LAMB1: variants seen among roughly 807,000 people sequenced by gnomAD.
LAMB1 encodes laminin subunit beta-1.
Under a neutral mutation model 222.3 loss-of-function variants are expected in LAMB1, and 121 were observed. The ratio of observed to expected loss-of-function variants is 0.54; its 90% CI spans 0.47 to 0.63. LAMB1 has a LOEUF of 0.63. Among genes scored for constraint, LAMB1 ranks in the 30% least tolerant of loss-of-function variants. The pLI is 0.00. For missense variants in LAMB1, 2,172 were observed against 2,240.8 expected (o/e 0.97, Z 0.62); for synonymous variants, 794 against 807.2 (o/e 0.98, Z 0.28).
intron 31 of LAMB1, among the ~76,000 whole-genome samples, chr7:107,927,435 T>C (rs1263150538): frequency 6.6e-6 from 1 of 152,168 alleles, no homozygotes; most frequent in Non-Finnish European, 1.5e-5. Context: ...CTAATTTGCT[T>C]TTCAGAACAA....
intron 2 of LAMB1, chr7:108,002,115 A>C: frequency 6.8e-7 from 1 of 1,468,362 alleles, no homozygotes. Flanking sequence ...TGACCCCCAA[A>C]GGGCCACACA....
At chr7:107,939,484 C>T (rs1450141882) in intron 25 of LAMB1, among the ~76,000 whole-genome samples, 2 of 152,076 alleles carry the variant, frequency 1.3e-5, no homozygotes, top group African/African-American at 4.8e-5. Context: ...TGGAATTTCC[C>T]CCATAGTAGC....
chr7:107,961,636 C>G lies in LAMB1; in HGVS notation c.1898G>C (p.Arg633Pro), dbSNP rs769757442. The stretch of plus-strand genomic sequence containing the variant: ...GCTGCTGGTTGGAATCCTTCCAGGT[C>G]GCTGCACTGTGATGACAGCTTTTTC... The part of the protein sequence containing the change: ...HWEKAVITVQ[R>P]PGRIPTSSRC... Residue 633 changes from arginine to proline, a missense_variant, in exon 16 of 34, where the codon CGA (arginine) becomes CCA (proline). Arg to Pro is a moderately radical substitution (Grantham distance 103). Transcript: ENST00000222399. 2.7e-5 allele frequency: 44 copies of G among 1,613,928 alleles called. No homozygotes were observed. In the Admixed American group the frequency reaches 7.3e-4, roughly 27 times the overall value.
intron 13 of LAMB1, among the ~76,000 whole-genome samples, chr7:107,965,493 C>T (rs2033614847): frequency 1.3e-5 from 2 of 152,258 alleles, no homozygotes; most frequent in Admixed American, 6.5e-5. Flanking sequence ...GCACGAGAAT[C>T]GCTTGAACCC....
chr7:107,940,692 A>C, intron 24 of LAMB1: 1 of 267,204 alleles, frequency 3.7e-6, no homozygotes, highest in Non-Finnish European at 7.3e-6. Context: ...AGATTATGTA[A>C]CATGCCCCAA....
intron 5 of LAMB1, among the ~76,000 whole-genome samples, chr7:107,994,425 T>C (rs751705508): frequency 9.2e-5 from 14 of 152,228 alleles, no homozygotes; most frequent in African/African-American, 3.4e-4. Context: ...AATGATTCTT[T>C]AGTTTTCCAC....
chr7:107,982,640 T>C (rs943360169), intron 7 of LAMB1, among the ~76,000 whole-genome samples: 2 of 152,098 alleles, frequency 1.3e-5, no homozygotes, highest in Non-Finnish European at 2.9e-5. Flanking sequence ...AGCTGGAGTA[T>C]TTAGAAACCC....
intron 8 of LAMB1, among the ~76,000 whole-genome samples, chr7:107,978,400 A>T (rs1004058042): frequency 1.3e-5 from 2 of 152,084 alleles, no homozygotes; most frequent in African/African-American, 4.8e-5. Flanking sequence ...ATGCACAAGA[A>T]ATATTTTACT....
At chr7:107,963,138 G>A (rs920038179) in intron 14 of LAMB1, 75 bp from the exon 15 acceptor site, 26 of 1,369,054 alleles carry the variant, frequency 1.9e-5, no homozygotes, top group African/African-American at 4.3e-5. Context: ...AAAGTAATCC[G>A]AAGTCACCCA....
chr7:107,955,992 G>A (rs1387320275), intron 20 of LAMB1, among the ~76,000 whole-genome samples: 1 of 152,232 alleles, frequency 6.6e-6, no homozygotes, highest in African/African-American at 2.4e-5. Context: ...CCACCTCCTG[G>A]TTCAAACAAT....
At chr7:108,001,776 G>T in intron 2 of LAMB1, 43 bp from the exon 3 acceptor site, 1 of 1,604,914 alleles carries the variant, frequency 6.2e-7, no homozygotes, top group South Asian at 1.1e-5. Flanking sequence ...ACACAAGCAG[G>T]GAGTGGAGCC....
At chr7:107,991,462 G>C (rs71566746) in intron 5 of LAMB1, among the ~76,000 whole-genome samples, 12,100 of 151,846 alleles carry the variant, frequency 0.08, 659 homozygotes, top group Non-Finnish European at 0.12. Context: ...TGGTACATGC[G>C]TGTAATCCCA....
intron 32 of LAMB1, among the ~76,000 whole-genome samples, chr7:107,924,667 A>C (rs139957310): frequency 6.6e-6 from 1 of 152,322 alleles, no homozygotes; most frequent in East Asian, 1.9e-4. Flanking sequence ...TTGTAGCATA[A>C]TTGTATTGCA....
intron 13 of LAMB1, among the ~76,000 whole-genome samples, chr7:107,967,761 GA>G (rs111524091): frequency 1.7e-4 from 26 of 149,962 alleles, no homozygotes; most frequent in Non-Finnish European, 2.8e-4. Context: ...AAGAGAAATA[GA>G]AAAAAAAATA....
At chr7:107,969,951 A>G (rs757771435) in intron 13 of LAMB1, among the ~76,000 whole-genome samples, 5 of 152,244 alleles carry the variant, frequency 3.3e-5, no homozygotes, top group Non-Finnish European at 7.3e-5. Flanking sequence ...ATTCAATACA[A>G]TGATAAAAAT....
chr7:107,956,786 T>TC (rs2033387232), intron 20 of LAMB1, among the ~76,000 whole-genome samples: 1 of 152,150 alleles, frequency 6.6e-6, no homozygotes, highest in Non-Finnish European at 1.5e-5. Context: ...TGTGTTTGTC[T>TC]CTCAGGTGGT....
chr7:107,965,577 T>C (rs932078202), intron 13 of LAMB1, among the ~76,000 whole-genome samples: 1 of 152,108 alleles, frequency 6.6e-6, no homozygotes, highest in African/African-American at 2.4e-5. Context: ...GAAACTTCTG[T>C]TCTCAGCTTA....
intron 24 of LAMB1, among the ~76,000 whole-genome samples, chr7:107,941,032 TG>T (rs2032968973): frequency 6.6e-6 from 1 of 152,212 alleles, no homozygotes; most frequent in Non-Finnish European, 1.5e-5. Flanking sequence ...TAATCTAACT[TG>T]GGGGTGTCTG....
chr7:107,926,887 TAC>T (rs1427852896), intron 31 of LAMB1, among the ~76,000 whole-genome samples: 1 of 152,150 alleles, frequency 6.6e-6, no homozygotes, highest in Non-Finnish European at 1.5e-5. Context: ...CTGGGAACGT[TAC>T]AGCTGTAAAC....
Sources: allele counts gnomAD v4.1 joint callset (sites outside exome capture counted in the v4.1 genomes callset), GRCh38; gene constraint gnomAD v4.1.1; transcripts MANE v1.5; gene names NCBI Gene and HGNC (gene_info 2026-07-23, HGNC 2026-07-21).